Variants in ZFHX3 observed in about 807,000 individuals in gnomAD.
ZFHX3 encodes zinc finger homeobox 3, also known as zinc finger homeobox protein 3.
A neutral mutation model predicts 279.1 loss-of-function variants in ZFHX3; 42 were observed. The ratio of observed to expected loss-of-function variants is 0.15; its 90% CI spans 0.12 to 0.19. The LOEUF (loss-of-function observed/expected upper bound fraction) is 0.19, where lower values mean the gene tolerates loss of function less well. ZFHX3 is among the 10% of genes least tolerant of loss of function. The pLI is 1.00. For synonymous variants in ZFHX3, 2,293 were observed against 1,957.8 expected (o/e 1.17, Z -4.52); for missense variants, 4,981 against 4,754.0 (o/e 1.05, Z -1.40).
intron 2 of ZFHX3, among the ~76,000 whole-genome samples, chr16:73,646,450 A>G (rs1402473068): frequency 2.6e-5 from 4 of 152,166 alleles, no homozygotes; most frequent in Non-Finnish European, 4.4e-5. Context: ...ATTTAAAAAG[A>G]TAGAAAGAGA....
chr16:73,541,600 A>G (rs11864694), intron 2 of ZFHX3, among the ~76,000 whole-genome samples: 1 of 152,134 alleles, frequency 6.6e-6, no homozygotes, highest in Non-Finnish European at 1.5e-5. Context: ...CAAAAATGCC[A>G]AGAGCAAGTG....
intron 1 of ZFHX3, among the ~76,000 whole-genome samples, chr16:73,800,539 C>T (rs1218466993): frequency 6.6e-6 from 1 of 152,050 alleles, no homozygotes; most frequent in Non-Finnish European, 1.5e-5. Flanking sequence ...TTATGTTGTG[C>T]TTTTTCTTCT....
rs558850934 is a variant in ZFHX3 at position 73,303,001 on chromosome 16, C to T, written c.-1194+15239G>A. 4.6e-5 allele frequency among the ~76,000 whole-genome samples: 7 copies of T among 150,910 alleles called. No individual in the cohort carries two copies. The South Asian group carries it at 1.5e-3, about 32-fold the overall frequency. On this transcript the variant is annotated intron_variant, in intron 4 of 17. Transcript: ENST00000641206. ...ATGATTAGGGGACTCTCTAAATGGG[C>T]AGGATTCTGAAACAGCAAAGAGCAA...
chr16:72,801,880 G>A (rs1356607202), intron 7 of ZFHX3, among the ~76,000 whole-genome samples: 3 of 151,866 alleles, frequency 2.0e-5, no homozygotes, highest in Admixed American at 1.3e-4. Flanking sequence ...CCTCAGCTGA[G>A]GGGGAGCACG....
At chr16:73,228,103 C>A (rs2012660944) in intron 5 of ZFHX3, among the ~76,000 whole-genome samples, 1 of 152,064 alleles carries the variant, frequency 6.6e-6, no homozygotes, top group Non-Finnish European at 1.5e-5. Context: ...TAAAGCCAGG[C>A]AGTCTGGCTC....
chr16:73,571,708 G>T (rs2051738113), intron 2 of ZFHX3, among the ~76,000 whole-genome samples: 1 of 151,996 alleles, frequency 6.6e-6, no homozygotes, highest in African/African-American at 2.4e-5. Flanking sequence ...GCAACAAATA[G>T]TTACATAGCC....
At chr16:73,726,182 A>C (rs1334326955) in intron 1 of ZFHX3, among the ~76,000 whole-genome samples, 2 of 152,142 alleles carry the variant, frequency 1.3e-5, no homozygotes, top group African/African-American at 4.8e-5. Flanking sequence ...TCTAGGGGCG[A>C]GGGGTGATAG....
intron 1 of ZFHX3, among the ~76,000 whole-genome samples, chr16:73,847,271 A>G (rs1393982255): frequency 6.6e-6 from 1 of 152,236 alleles, no homozygotes; most frequent in Admixed American, 6.5e-5. Flanking sequence ...ATTGCACTCC[A>G]GCCTGGGCCA....
Position 73,093,606 on chromosome 16 carries a change from C to G in ZFHX3, c.-896-8G>C, listed in dbSNP as rs369349066. 376 of 509,244 alleles carry G rather than the reference C, an allele frequency of 7.4e-4. 1 individual carries two copies. In the Middle Eastern group the frequency reaches 7.7e-3, roughly 10 times the overall value. The allele number at this position is 509,244 out of a possible 1,614,324, so 31.5% of individuals were successfully genotyped here. On this transcript the variant is annotated splice_region_variant and splice_polypyrimidine_tract_variant and intron_variant, in intron 7 of 17. Transcript: ENST00000641206. ...GGGCTAACCGGTCGTCTCCTGCAAA[C>G]AGACAGCACGGAGAAGGATGAGTGA...
chr16:73,847,458 A>G (rs1961478134), intron 1 of ZFHX3, among the ~76,000 whole-genome samples: 1 of 152,164 alleles, frequency 6.6e-6, no homozygotes, highest in Non-Finnish European at 1.5e-5. Flanking sequence ...AGGCATTTGT[A>G]GACTTATCCT....
intron 8 of ZFHX3, among the ~76,000 whole-genome samples, chr16:73,079,202 C>G (rs962471427): frequency 2.6e-5 from 4 of 152,022 alleles, no homozygotes; most frequent in African/African-American, 9.7e-5. Context: ...ACACCTGCCT[C>G]CATCACTTTC....
chr16:73,835,872 C>T (rs1961133622), intron 1 of ZFHX3, among the ~76,000 whole-genome samples: 1 of 152,098 alleles, frequency 6.6e-6, no homozygotes, highest in Non-Finnish European at 1.5e-5. Flanking sequence ...GCCAGCCTAG[C>T]CTTTGACTAA....
chr16:73,526,410 C>T (rs1311097255), intron 2 of ZFHX3, among the ~76,000 whole-genome samples: 1 of 152,192 alleles, frequency 6.6e-6, no homozygotes, highest in South Asian at 2.1e-4. Context: ...GCTGTGACCT[C>T]GCCACCCCCA....
chr16:73,333,805 C>CAAAAAAAA (rs36006944), intron 3 of ZFHX3, among the ~76,000 whole-genome samples: 1 of 53,846 alleles, frequency 1.9e-5, no homozygotes, highest in Non-Finnish European at 3.4e-5. Flanking sequence ...CCCAAGAGAC[C>CAAAAAAAA]AAAAAAAAAA....
intron 1 of ZFHX3, among the ~76,000 whole-genome samples, chr16:73,042,619 C>T (rs1192168357): frequency 6.6e-6 from 1 of 152,124 alleles, no homozygotes; most frequent in Non-Finnish European, 1.5e-5. Context: ...CTCCCATCTA[C>T]ACAGAACAGC....
At chr16:73,015,497 T>G (rs1964069774) in intron 1 of ZFHX3, 1 of 152,242 alleles carries the variant, frequency 6.6e-6, no homozygotes, top group Non-Finnish European at 1.5e-5. Context: ...AAAGAGTTTG[T>G]GTGTGCTACA....
At chr16:73,539,617 T>C (rs1373746971) in intron 2 of ZFHX3, among the ~76,000 whole-genome samples, 1 of 151,936 alleles carries the variant, frequency 6.6e-6, no homozygotes, top group East Asian at 1.9e-4. Context: ...TTTTATAGGT[T>C]TCCTCGATAA....
intron 5 of ZFHX3, among the ~76,000 whole-genome samples, chr16:73,188,130 G>A (rs1294826357): frequency 1.3e-5 from 2 of 151,690 alleles, no homozygotes; most frequent in Non-Finnish European, 2.9e-5. Context: ...CAAAGTGCAG[G>A]GATTACAGGC....
At chr16:72,842,377 C>T (rs1446549096) in intron 4 of ZFHX3, among the ~76,000 whole-genome samples, 2 of 151,992 alleles carry the variant, frequency 1.3e-5, no homozygotes, top group Admixed American at 6.6e-5. Flanking sequence ...GCCACCATGC[C>T]CAGCCAGCAA....
Sources: allele counts gnomAD v4.1 joint callset (sites outside exome capture counted in the v4.1 genomes callset), GRCh38; gene constraint gnomAD v4.1.1; transcripts MANE v1.5; gene names NCBI Gene and HGNC (gene_info 2026-07-23, HGNC 2026-07-21).